The following ROBO2 variants were observed in gnomAD, a reference collection of about 807,000 sequenced individuals.
ROBO2 encodes roundabout guidance receptor 2, also known as roundabout homolog 2.
ROBO2 carries 53 observed loss-of-function variants against 160.8 expected under a neutral mutation model. The observed-to-expected ratio is 0.33, with a 90% CI of 0.26 to 0.41. The LOEUF (loss-of-function observed/expected upper bound fraction) is 0.41. Ranked by LOEUF, ROBO2 falls within the 10% of genes least tolerant of loss-of-function variation. The probability of loss-of-function intolerance (pLI) is 1.00; values close to 1 mark genes in which losing one functional copy is unlikely to be tolerated. For synonymous variants in ROBO2, 664 were observed against 611.7 expected (o/e 1.09, Z -1.26); for missense variants, 1,577 against 1,722.4 (o/e 0.92, Z 1.49).
At chr3:77,119,067 G>A (rs891470785) in intron 2 of ROBO2, among the ~76,000 whole-genome samples, 1 of 152,058 alleles carries the variant, frequency 6.6e-6, no homozygotes, top group Admixed American at 6.6e-5. Flanking sequence ...GAGTTCTCAC[G>A]AGATCTGATC....
rs150072491 is a variant in ROBO2, at chr3:76,947,145, G to C, written c.110-150869G>C. On this transcript the variant is annotated intron_variant, in intron 2 of 26. Coordinates refer to the ROBO2 transcript ENST00000487694. ...ACATGTACATTCATGTACTTAACTC[G>C]TTTTCCACAAATTAGGGGAAAATGA... Among the ~76,000 whole-genome samples the C allele has an allele frequency of 1.7e-3, 257 of 151,938 alleles. 1 individual carries two copies. The highest frequency in any genetic ancestry group is 5.3e-3 in the African/African-American group (218 of 41,462).
chr3:77,211,163 CA>C (rs1216232017), intron 2 of ROBO2, among the ~76,000 whole-genome samples: 1 of 152,196 alleles, frequency 6.6e-6, no homozygotes, highest in Non-Finnish European at 1.5e-5. Flanking sequence ...GGAATCGCCA[CA>C]CTGACTTCCA....
intron 2 of ROBO2, among the ~76,000 whole-genome samples, chr3:76,670,256 T>G (rs368092578): frequency 3.3e-5 from 5 of 152,212 alleles, no homozygotes; most frequent in African/African-American, 1.2e-4. Context: ...CTTTTATACA[T>G]TTTATGAATT....
intron 2 of ROBO2, among the ~76,000 whole-genome samples, chr3:76,443,723 G>T (rs1416559266): frequency 6.6e-6 from 1 of 152,082 alleles, no homozygotes; most frequent in African/African-American, 2.4e-5. Flanking sequence ...TCTTAAAAAG[G>T]CAACTTACTG....
chr3:77,090,804 G>A (rs1247455401), intron 1 of ROBO2, among the ~76,000 whole-genome samples: 2 of 152,080 alleles, frequency 1.3e-5, no homozygotes, highest in Admixed American at 6.6e-5. Context: ...TTCGTGTAGT[G>A]CTACTGTATC....
At chr3:76,501,627 G>C (rs2080466471) in intron 2 of ROBO2, among the ~76,000 whole-genome samples, 1 of 152,162 alleles carries the variant, frequency 6.6e-6, no homozygotes, top group Admixed American at 6.5e-5. Flanking sequence ...GACAGAGCCA[G>C]AATTTGAACT....
chr3:76,094,373 C>G (rs934730207), intron 2 of ROBO2, among the ~76,000 whole-genome samples: 2 of 152,218 alleles, frequency 1.3e-5, no homozygotes, highest in African/African-American at 4.8e-5. Context: ...TTCCCAACAA[C>G]ACAGTGCCAC....
chr3:76,257,244 C>T (rs1706454548), intron 2 of ROBO2, among the ~76,000 whole-genome samples: 1 of 152,114 alleles, frequency 6.6e-6, no homozygotes, highest in Non-Finnish European at 1.5e-5. Flanking sequence ...ATCAGAATAC[C>T]TTTAATTCCT....
intron 2 of ROBO2, among the ~76,000 whole-genome samples, chr3:76,443,198 T>C (rs2077008765): frequency 6.6e-6 from 1 of 151,942 alleles, no homozygotes; most frequent in African/African-American, 2.4e-5. Flanking sequence ...AACTCACTCA[T>C]TACCTGCAAG....
At chr3:76,567,084 C>A (rs2084573444) in intron 2 of ROBO2, among the ~76,000 whole-genome samples, 1 of 152,060 alleles carries the variant, frequency 6.6e-6, no homozygotes, top group Non-Finnish European at 1.5e-5. Flanking sequence ...GCAGGGAAAA[C>A]CAAAATAAAG....
rs146080407 is a variant in ROBO2 at position 76,723,518 on chromosome 3, C to G, written c.110-374496C>G. ...CACAGTTTCCTTACTGTCTCCCCAC[C>G]GAGGGATGGAACTGCCATTCTCCCA... On this transcript the variant is annotated intron_variant, in intron 2 of 26. Coordinates refer to the ROBO2 transcript ENST00000487694. Among the ~76,000 whole-genome samples the G allele has an allele frequency of 4.2e-4, 64 of 152,254 alleles. No homozygotes were observed. The Middle Eastern group carries it at 0.017, about 40-fold the overall frequency.
intron 2 of ROBO2, among the ~76,000 whole-genome samples, chr3:76,526,672 A>G (rs1051920278): frequency 1.3e-5 from 2 of 151,946 alleles, no homozygotes; most frequent in Admixed American, 6.6e-5. Context: ...AGGGTGGTAA[A>G]GATATATTTT....
intron 2 of ROBO2, among the ~76,000 whole-genome samples, chr3:76,038,218 T>G (rs1019004446): frequency 6.6e-6 from 1 of 151,962 alleles, no homozygotes; most frequent in African/African-American, 2.4e-5. Flanking sequence ...AAGAAATATC[T>G]GGTACAGATA....
intron 2 of ROBO2, among the ~76,000 whole-genome samples, chr3:76,680,201 T>G (rs886096264): frequency 1.3e-5 from 2 of 152,148 alleles, no homozygotes; most frequent in African/African-American, 2.4e-5. Context: ...ACTTTCAATA[T>G]CAACCAAAAT....
chr3:76,719,511 A>T (rs1576217063), intron 2 of ROBO2, among the ~76,000 whole-genome samples: 1 of 152,266 alleles, frequency 6.6e-6, no homozygotes, highest in East Asian at 1.9e-4. Context: ...ACCCCTATAT[A>T]ATTTAAAGTA....
chr3:76,606,183 G>A (rs1025073891), intron 2 of ROBO2, among the ~76,000 whole-genome samples: 7 of 152,020 alleles, frequency 4.6e-5, no homozygotes, highest in Admixed American at 6.6e-5. Context: ...GGCTTAGCAC[G>A]AACTGCTTCT....
At chr3:76,586,872 T>C (rs2086072951) in intron 2 of ROBO2, among the ~76,000 whole-genome samples, 1 of 152,222 alleles carries the variant, frequency 6.6e-6, no homozygotes, top group African/African-American at 2.4e-5. Flanking sequence ...ACACTGATAG[T>C]GTCTCCAGAG....
intron 2 of ROBO2, among the ~76,000 whole-genome samples, chr3:76,191,973 C>G (rs762739093): frequency 5.3e-5 from 8 of 151,368 alleles, no homozygotes; most frequent in Non-Finnish European, 8.9e-5. Flanking sequence ...ACTTACCTGT[C>G]TTCACTTTCT....
chr3:75,961,684 A>G (rs1268517201), intron 2 of ROBO2, among the ~76,000 whole-genome samples: 4 of 151,798 alleles, frequency 2.6e-5, no homozygotes, highest in Non-Finnish European at 5.9e-5. Context: ...GATCCTCTAA[A>G]TAGATTTTTT....
Sources: gnomAD v4.1 joint callset for allele counts (sites outside exome capture counted in the v4.1 genomes callset) on GRCh38, gnomAD v4.1.1 for gene constraint, MANE v1.5 for transcripts, NCBI Gene and HGNC (gene_info 2026-07-23, HGNC 2026-07-21) for gene names.